Variants in LOC128462377 observed in about 807,000 individuals in gnomAD.
At chr16:89,326,674 C>T in the LOC128462377 span, among the ~76,000 whole-genome samples, 1 of 152,074 alleles carries the variant, frequency 6.6e-6, no homozygotes, top group African/African-American at 2.4e-5. Context: ...CCCAGGAGGT[C>T]GAGGCTGCAG....
the LOC128462377 span, among the ~76,000 whole-genome samples, chr16:89,344,830 G>A: frequency 3.9e-5 from 6 of 152,198 alleles, no homozygotes; most frequent in South Asian, 2.1e-4. Flanking sequence ...CAGACGAGGC[G>A]TGAGACTCTC....
At chr16:89,357,106 G>C in the LOC128462377 span, among the ~76,000 whole-genome samples, 12 of 152,232 alleles carry the variant, frequency 7.9e-5, no homozygotes, top group African/African-American at 2.9e-4. Flanking sequence ...GGATGAGTCT[G>C]TAGGAGGGAC....
the LOC128462377 span, among the ~76,000 whole-genome samples, chr16:89,417,866 G>T: frequency 6.6e-6 from 1 of 152,090 alleles, no homozygotes; most frequent in African/African-American, 2.4e-5. Context: ...CTAACGAGCA[G>T]AACAGCTCCC....
the LOC128462377 span, among the ~76,000 whole-genome samples, chr16:89,355,341 C>T: frequency 2.6e-5 from 4 of 152,162 alleles, no homozygotes; most frequent in African/African-American, 9.7e-5. Context: ...CAAAGAGGAA[C>T]GTGCAGGACT....
At chr16:89,381,387 T>C in the LOC128462377 span, among the ~76,000 whole-genome samples, 1 of 147,560 alleles carries the variant, frequency 6.8e-6, no homozygotes. Context: ...GTTCAGACTA[T>C]TAGAAGCAAG....
the LOC128462377 span, among the ~76,000 whole-genome samples, chr16:89,404,123 A>G: frequency 2.0e-5 from 3 of 152,232 alleles, no homozygotes; most frequent in African/African-American, 7.2e-5. Flanking sequence ...GTGAAGAATC[A>G]GGAGTCCTCT....
chr16:89,329,254 G>T, the LOC128462377 span, among the ~76,000 whole-genome samples: 1 of 152,196 alleles, frequency 6.6e-6, no homozygotes, highest in Non-Finnish European at 1.5e-5. Flanking sequence ...AGGATAAGAC[G>T]GGGGATCTGA....
At chr16:89,387,981 C>T in the LOC128462377 span, among the ~76,000 whole-genome samples, 1 of 150,772 alleles carries the variant, frequency 6.6e-6, no homozygotes, top group East Asian at 1.9e-4. Flanking sequence ...CCACCGCACT[C>T]CAGCCTGGGC....
chr16:89,317,202 G>A, the LOC128462377 span: 2 of 755,168 alleles, frequency 2.6e-6, no homozygotes, highest in Non-Finnish European at 4.6e-6. Flanking sequence ...TCAGGGCTGG[G>A]GCCCGGGCCA....
the LOC128462377 span, among the ~76,000 whole-genome samples, chr16:89,354,443 T>G: frequency 6.6e-6 from 1 of 152,186 alleles, no homozygotes; most frequent in African/African-American, 2.4e-5. Context: ...GCCAGCGCAG[T>G]GCAGAGCCAG....
the LOC128462377 span, among the ~76,000 whole-genome samples, chr16:89,356,186 GTTTATAACATT>G: frequency 6.6e-6 from 1 of 152,280 alleles, no homozygotes; most frequent in Admixed American, 6.5e-5. Context: ...GATCATCTTT[GTTTATAACATT>G]TATAGGTTAC....
At chr16:89,367,732 CATCCT>C in the LOC128462377 span, among the ~76,000 whole-genome samples, 1 of 152,224 alleles carries the variant, frequency 6.6e-6, no homozygotes, top group Non-Finnish European at 1.5e-5. Flanking sequence ...CCACGCATCC[CATCCT>C]GACTACCCCC....
the LOC128462377 span, chr16:89,372,717 C>G: frequency 2.0e-5 from 3 of 152,270 alleles, no homozygotes; most frequent in Admixed American, 1.3e-4. Flanking sequence ...CTAGTAAACG[C>G]TGAGCCCGGG....
chr16:89,359,694 G>A, the LOC128462377 span, among the ~76,000 whole-genome samples: 1 of 152,194 alleles, frequency 6.6e-6, no homozygotes. Context: ...AGCAGGAACT[G>A]GGTAACTGTA....
At chr16:89,393,910 A>G in the LOC128462377 span, among the ~76,000 whole-genome samples, 2 of 152,226 alleles carry the variant, frequency 1.3e-5, no homozygotes, top group Admixed American at 6.5e-5. Flanking sequence ...CCAAAAAGTC[A>G]CGAAGAAAGT....
chr16:89,414,725 C>T, the LOC128462377 span, among the ~76,000 whole-genome samples: 1 of 152,122 alleles, frequency 6.6e-6, no homozygotes, highest in South Asian at 2.1e-4. Flanking sequence ...TATGTCACTG[C>T]GGCCACACCT....
the LOC128462377 span, among the ~76,000 whole-genome samples, chr16:89,384,887 T>C: frequency 5.2e-5 from 6 of 116,272 alleles, no homozygotes; most frequent in South Asian, 3.4e-4. Flanking sequence ...TTCTTTTTTT[T>C]TTTTTTTTTT....
At chr16:89,405,646 T>G in the LOC128462377 span, among the ~76,000 whole-genome samples, 9 of 152,022 alleles carry the variant, frequency 5.9e-5, no homozygotes, top group Non-Finnish European at 1.0e-4. Context: ...CTAGGTAACT[T>G]TCCTATCAGC....
the LOC128462377 span, among the ~76,000 whole-genome samples, chr16:89,351,712 C>G: frequency 2.6e-5 from 4 of 152,182 alleles, no homozygotes; most frequent in Admixed American, 2.0e-4. Context: ...ATGACCAGAA[C>G]AGCAGACTCA....
Sources: allele counts gnomAD v4.1 joint callset (sites outside exome capture counted in the v4.1 genomes callset), GRCh38; gene constraint gnomAD v4.1.1; transcripts MANE v1.5.